The following TBC1D4 variants were observed in gnomAD, a reference collection of about 807,000 sequenced individuals.
TBC1D4 encodes TBC (Tre-2, BUB2, CDC16) domain-containing protein.
In TBC1D4, 121 loss-of-function variants were observed where a neutral mutation model predicts 142.5. The observed-to-expected ratio is 0.85, with a 90% confidence interval of 0.73 to 0.99. The LOEUF (loss-of-function observed/expected upper bound fraction) is 0.99. Among genes scored for constraint, TBC1D4 ranks in the 50% least tolerant of loss-of-function variants. The probability of loss-of-function intolerance (pLI) is 0.00; values close to 1 mark genes in which losing one functional copy is unlikely to be tolerated. For missense variants in TBC1D4, 1,475 were observed against 1,606.6 expected, an observed-to-expected ratio of 0.92 and a Z score of 1.40; for synonymous variants, 630 against 628.2, an observed-to-expected ratio of 1.00 and a Z score of -0.04.
chr13:75,307,757 C>G (rs949374638), intron 14 of TBC1D4, among the ~76,000 whole-genome samples: 8 of 152,168 alleles, frequency 5.3e-5, no homozygotes, highest in African/African-American at 1.9e-4. Context: ...CAAACATAAT[C>G]TAAAGATAAA....
intron 12 of TBC1D4, 86 bp downstream of exon 12, chr13:75,319,928 A>G: frequency 6.7e-7 from 1 of 1,487,294 alleles, no homozygotes; most frequent in South Asian, 1.2e-5. Context: ...GGAGACAAAC[A>G]AAACTGCTTT....
chr13:75,288,771 T>C (rs894653514), intron 20 of TBC1D4, among the ~76,000 whole-genome samples, 163 bp downstream of exon 20: 1 of 152,186 alleles, frequency 6.6e-6, no homozygotes, highest in Non-Finnish European at 1.5e-5. Context: ...TAATGTTTAA[T>C]TTAACATGTC....
intron 1 of TBC1D4, among the ~76,000 whole-genome samples, chr13:75,384,772 TAAAC>T (rs1389980988): frequency 3.3e-5 from 5 of 152,064 alleles, no homozygotes; most frequent in African/African-American, 4.8e-5. Context: ...AACTCTGAAA[TAAAC>T]AAACAAAAAT....
intron 1 of TBC1D4, among the ~76,000 whole-genome samples, chr13:75,364,383 A>G (rs115840024): frequency 6.4e-4 from 98 of 152,358 alleles, no homozygotes; most frequent in African/African-American, 2.3e-3. Flanking sequence ...TTTGGGATAT[A>G]CTGCTAGAAC....
At chr13:75,371,738 C>T (rs924630845) in intron 1 of TBC1D4, among the ~76,000 whole-genome samples, 37 of 152,060 alleles carry the variant, frequency 2.4e-4, no homozygotes, top group African/African-American at 7.7e-4. Flanking sequence ...ATTAGAAGAG[C>T]GGTTTGCCCC....
chr13:75,335,773 A>T (rs1880144236), intron 8 of TBC1D4, among the ~76,000 whole-genome samples: 1 of 152,152 alleles, frequency 6.6e-6, no homozygotes, highest in Non-Finnish European at 1.5e-5. Flanking sequence ...CCATGATTGG[A>T]AGCTTCCTGA....
chr13:75,471,732 G>A (rs1451178730), intron 1 of TBC1D4, among the ~76,000 whole-genome samples: 3 of 50,966 alleles, frequency 5.9e-5, no homozygotes, highest in Admixed American at 5.6e-4. Flanking sequence ...CGGTGAGACT[G>A]TCTCAAAAAA....
intron 16 of TBC1D4, among the ~76,000 whole-genome samples, chr13:75,301,061 A>G (rs1876488389): frequency 6.6e-6 from 1 of 152,186 alleles, no homozygotes; most frequent in Non-Finnish European, 1.5e-5. Context: ...ACAGAGGTAA[A>G]AACTAGGGTT....
intron 9 of TBC1D4, among the ~76,000 whole-genome samples, chr13:75,327,486 T>C (rs983025113): frequency 2.0e-5 from 3 of 152,184 alleles, no homozygotes; most frequent in African/African-American, 4.8e-5. Flanking sequence ...TTATAAGGCA[T>C]TGGATCAATA....
intron 4 of TBC1D4, among the ~76,000 whole-genome samples, chr13:75,355,386 A>T (rs1462241073): frequency 6.6e-6 from 1 of 152,166 alleles, no homozygotes; most frequent in Non-Finnish European, 1.5e-5. Context: ...CTTTGAGGGG[A>T]AAAAAATCAA....
intron 8 of TBC1D4, among the ~76,000 whole-genome samples, chr13:75,328,453 G>C (rs1404201416): frequency 6.6e-6 from 1 of 152,038 alleles, no homozygotes; most frequent in Non-Finnish European, 1.5e-5. Flanking sequence ...AATGATCTCA[G>C]AAAGAGATCT....
At chr13:75,366,103 C>T (rs1046156402) in intron 1 of TBC1D4, among the ~76,000 whole-genome samples, 1 of 152,096 alleles carries the variant, frequency 6.6e-6, no homozygotes, top group South Asian at 2.1e-4. Context: ...CAAATAATTC[C>T]GCTGCTCAGA....
chr13:75,347,727 C>T (rs868799881), intron 5 of TBC1D4, among the ~76,000 whole-genome samples: 1 of 152,192 alleles, frequency 6.6e-6, no homozygotes, highest in Non-Finnish European at 1.5e-5. Flanking sequence ...CACAGATTTA[C>T]ATGCTTCCTT....
At chr13:75,473,339 T>G (rs1167609383) in intron 1 of TBC1D4, among the ~76,000 whole-genome samples, 1 of 152,122 alleles carries the variant, frequency 6.6e-6, no homozygotes, top group Non-Finnish European at 1.5e-5. Context: ...AAAATATATA[T>G]GAAGATACAA....
At chr13:75,292,404 G>A in intron 18 of TBC1D4, 133 bp from the exon 19 acceptor site, 1 of 700,836 alleles carries the variant, frequency 1.4e-6, no homozygotes, top group Non-Finnish European at 2.3e-6. Context: ...AAAGCATCTA[G>A]CTTTTTTTTA....
chr13:75,335,427 A>G (rs1316835492), intron 8 of TBC1D4, among the ~76,000 whole-genome samples: 1 of 152,166 alleles, frequency 6.6e-6, no homozygotes, highest in Non-Finnish European at 1.5e-5. Flanking sequence ...AAAATGGAAT[A>G]TATATACTTA....
At chr13:75,439,427 G>GT (rs2138191881) in intron 1 of TBC1D4, among the ~76,000 whole-genome samples, 1 of 152,140 alleles carries the variant, frequency 6.6e-6, no homozygotes, top group African/African-American at 2.4e-5. Flanking sequence ...AATGCAAATC[G>GT]TATGTTCACT....
intron 4 of TBC1D4, among the ~76,000 whole-genome samples, chr13:75,354,598 G>C (rs1401068902): frequency 1.3e-5 from 2 of 152,130 alleles, no homozygotes; most frequent in African/African-American, 4.8e-5. Flanking sequence ...TTTTAGAAAG[G>C]TAGCAGAGTG....
chr13:75,316,720 A>T (rs1274402700), intron 12 of TBC1D4, among the ~76,000 whole-genome samples: 1 of 152,222 alleles, frequency 6.6e-6, no homozygotes, highest in East Asian at 1.9e-4. Context: ...AACCAAATGA[A>T]ACACTGCATC....
Sources: allele counts gnomAD v4.1 joint callset (sites outside exome capture counted in the v4.1 genomes callset), GRCh38; gene constraint gnomAD v4.1.1; transcripts MANE v1.5; gene names NCBI Gene and HGNC (gene_info 2026-07-23, HGNC 2026-07-21).